Variants in DPYD observed in about 807,000 individuals in gnomAD.
DPYD encodes dihydropyrimidine dehydrogenase [NADP(+)].
In DPYD, 109 loss-of-function variants were observed where a neutral mutation model predicts 116.2. That is an observed-to-expected ratio of 0.94 (90% CI 0.80 to 1.10). The LOEUF (loss-of-function observed/expected upper bound fraction) is 1.10. Among genes scored for constraint, DPYD ranks in the 50% least tolerant of loss-of-function variants. DPYD has a pLI of 0.00. For synonymous variants in DPYD, 440 were observed against 432.0 expected (o/e 1.02, Z -0.23); for missense variants, 1,302 against 1,254.5 (o/e 1.04, Z -0.57).
At chr1:97,821,577 G>A (rs1668939848) in intron 3 of DPYD, among the ~76,000 whole-genome samples, 1 of 151,990 alleles carries the variant, frequency 6.6e-6, no homozygotes, top group Non-Finnish European at 1.5e-5. Context: ...TAGAGATGAT[G>A]CACTTTTTTC....
rs540729551 is a variant in DPYD at position 97,291,642 on chromosome 1, A to T, written c.2299+13617T>A. Among the ~76,000 whole-genome samples, 249 of 151,796 alleles carry T rather than the reference A, an allele frequency of 1.6e-3. 1 individual carries two copies. Among genetic ancestry groups the T allele is most frequent in the African/African-American group, 5.6e-3 (231 of 41,420 alleles). The stretch of plus-strand genomic sequence containing the variant: ...CATAGGTGGGAATTGAACAATGAGA[A>T]CACATGGACACAGGAATGGGAACAT... On this transcript the variant is annotated intron_variant, in intron 18 of 22. Transcript: ENST00000370192.
chr1:97,644,846 T>C (rs1446693376), intron 8 of DPYD, among the ~76,000 whole-genome samples: 1 of 152,064 alleles, frequency 6.6e-6, no homozygotes, highest in Non-Finnish European at 1.5e-5. Context: ...GATATAAAAA[T>C]ATACACCATG....
At chr1:97,628,766 T>C (rs192078274) in intron 8 of DPYD, among the ~76,000 whole-genome samples, 44 of 152,158 alleles carry the variant, frequency 2.9e-4, no homozygotes, top group Admixed American at 1.7e-3. Context: ...TATATGCAAA[T>C]AGAATTAGTA....
intron 14 of DPYD, among the ~76,000 whole-genome samples, chr1:97,407,495 G>C (rs954017423): frequency 6.6e-6 from 1 of 152,120 alleles, no homozygotes; most frequent in African/African-American, 2.4e-5. Flanking sequence ...GAGGACATGG[G>C]CTATGTCTTC....
In DPYD at chr1:97,286,192, T is replaced by A. The variant is rs1344432666; in HGVS notation, c.2299+19067A>T. ...CTTCACTTATGAAGCTTAGTTTGGC[T>A]GGATATGAAATTCTGGGTTGAAAAT... On this transcript the variant is annotated intron_variant, in intron 18 of 22. Coordinates refer to ENST00000370192, the MANE Select transcript of DPYD (RefSeq NM_000110.4). 2.0e-5 allele frequency among the ~76,000 whole-genome samples: 3 copies of A among 152,268 alleles called. No homozygotes were observed. The South Asian group carries it at 6.2e-4, about 32-fold the overall frequency.
At chr1:97,512,177 T>G (rs1475534223) in intron 13 of DPYD, among the ~76,000 whole-genome samples, 1 of 151,892 alleles carries the variant, frequency 6.6e-6, no homozygotes, top group African/African-American at 2.4e-5. Flanking sequence ...ACATTAAGCT[T>G]TGTGCTATGG....
intron 11 of DPYD, among the ~76,000 whole-genome samples, chr1:97,561,596 T>A (rs1350629013): frequency 6.6e-6 from 1 of 152,212 alleles, no homozygotes; most frequent in Non-Finnish European, 1.5e-5. Context: ...GGTCCCTATA[T>A]GTGTGTAGCA....
chr1:97,177,571 T>C (rs1175443637), intron 20 of DPYD, among the ~76,000 whole-genome samples: 1 of 149,048 alleles, frequency 6.7e-6, no homozygotes, highest in African/African-American at 2.5e-5. Flanking sequence ...TCTTTCTTTT[T>C]TTTTTTTTTT....
intron 2 of DPYD, among the ~76,000 whole-genome samples, chr1:97,851,816 T>C (rs1205269982): frequency 6.6e-6 from 1 of 151,908 alleles, no homozygotes; most frequent in East Asian, 1.9e-4. Flanking sequence ...TACATTTGTC[T>C]ACATGTTTGT....
chr1:97,838,487 A>G (rs1032531727), intron 2 of DPYD, among the ~76,000 whole-genome samples: 6 of 152,234 alleles, frequency 3.9e-5, no homozygotes, highest in African/African-American at 1.4e-4. Flanking sequence ...TTTTCAAGTT[A>G]CTCAATATTG....
At chr1:97,683,082 G>T (rs1180001118) in intron 7 of DPYD, among the ~76,000 whole-genome samples, 1 of 151,848 alleles carries the variant, frequency 6.6e-6, no homozygotes, top group Non-Finnish European at 1.5e-5. Flanking sequence ...AAATAAAATA[G>T]GTGATGCCCA....
chr1:97,656,420 T>A (rs1658907597), intron 8 of DPYD, among the ~76,000 whole-genome samples: 1 of 152,144 alleles, frequency 6.6e-6, no homozygotes, highest in African/African-American at 2.4e-5. Flanking sequence ...AATTCCCTAT[T>A]TTTTGGCCTT....
rs888412629 is a variant in DPYD, at chr1:97,540,408, A to G, written c.1524+9152T>C. On this transcript the variant is annotated intron_variant, in intron 12 of 22. Coordinates refer to ENST00000370192, the MANE Select transcript of DPYD (RefSeq NM_000110.4). ...AAAACAAAACAAAAACCAAACTTTT[A>G]CTAGTTTATTACAAAGAGTATTTTA... 3.3e-5 allele frequency among the ~76,000 whole-genome samples: 5 copies of G among 152,092 alleles called. No homozygotes were observed. The East Asian group carries it at 9.6e-4, about 29-fold the overall frequency.
chr1:97,600,580 A>T (rs1042375769), intron 8 of DPYD, among the ~76,000 whole-genome samples: 1 of 152,188 alleles, frequency 6.6e-6, no homozygotes, highest in Non-Finnish European at 1.5e-5. Flanking sequence ...TTCTAGTTCT[A>T]GCACTTACTA....
chr1:97,600,197 T>A (rs1655161526), intron 8 of DPYD, among the ~76,000 whole-genome samples: 1 of 152,120 alleles, frequency 6.6e-6, no homozygotes, highest in Admixed American at 6.5e-5. Context: ...ACTCTCAAGT[T>A]TTCTGGATGA....
In DPYD at chr1:97,237,834, G is replaced by T. The variant is rs113972112; in HGVS notation, c.2300-2840C>A. On this transcript the variant is annotated intron_variant, in intron 18 of 22. Transcript: ENST00000370192. Reference sequence around the variant, plus strand: ...ACTTTGAAGTAATAAAGAAATATTGGTTTTTTTCCTCCCTTATTTAGTTGA... The same window carrying T: ...ACTTTGAAGTAATAAAGAAATATTGTTTTTTTTCCTCCCTTATTTAGTTGA... Among the ~76,000 whole-genome samples the T allele has an allele frequency of 1.0e-2, 1,519 of 152,122 alleles. 16 individuals carry two copies. The highest frequency in any genetic ancestry group is 0.034 in the African/African-American group (1,406 of 41,506).
intron 3 of DPYD, among the ~76,000 whole-genome samples, chr1:97,819,685 T>A (rs1668818749): frequency 6.6e-6 from 1 of 152,204 alleles, no homozygotes; most frequent in African/African-American, 2.4e-5. Context: ...AACTACTTAA[T>A]CAATTTGCTA....
At chr1:97,250,585 A>C (rs12564297) in intron 18 of DPYD, among the ~76,000 whole-genome samples, 16,999 of 152,236 alleles carry the variant, frequency 0.11, 1,387 homozygotes, top group East Asian at 0.28. Context: ...TGTATGTGAC[A>C]ATATTATTTT....
chr1:97,484,523 C>T (rs1248236541), intron 13 of DPYD, among the ~76,000 whole-genome samples: 3 of 152,054 alleles, frequency 2.0e-5, no homozygotes, highest in Non-Finnish European at 2.9e-5. Flanking sequence ...GCCTTTGTGG[C>T]CACCATGTTC....
Sources: allele counts gnomAD v4.1 joint callset (sites outside exome capture counted in the v4.1 genomes callset), GRCh38; gene constraint gnomAD v4.1.1; transcripts MANE v1.5; gene names NCBI Gene and HGNC (gene_info 2026-07-23, HGNC 2026-07-21).